Variants in RBM10 observed in about 807,000 individuals in gnomAD.
RBM10 encodes the protein RNA-binding protein 10.
Under a neutral mutation model 84.9 loss-of-function variants are expected in RBM10, and 1 was observed. The observed-to-expected ratio is 0.01, with a 90% CI of 0.00 to 0.06. RBM10 has a LOEUF of 0.06. Among genes scored for constraint, RBM10 ranks in the 10% least tolerant of loss-of-function variants. RBM10 has a pLI of 1.00. For synonymous variants in RBM10, 326 were observed against 344.5 expected, an observed-to-expected ratio of 0.95 and a Z score of 0.60; for missense variants, 438 against 839.0, an observed-to-expected ratio of 0.52 and a Z score of 5.90.
chrX:47,172,284 C>G (rs1934733536), intron 4 of RBM10, among the ~76,000 whole-genome samples: 1 of 112,343 alleles, frequency 8.9e-6, no homozygotes, highest in South Asian at 3.6e-4. Flanking sequence ...TCAGCCTTCC[C>G]TGAGTTTGGA....
chrX:47,173,256 C>G (rs1387274694), intron 5 of RBM10, 59 bp downstream of exon 5: 12 of 1,188,571 alleles, frequency 1.0e-5, no homozygotes, highest in Non-Finnish European at 1.4e-5. Flanking sequence ...TCCGAATCTC[C>G]CTCCTGCCTC....
chrX:47,150,200 G>A (rs1264817726), intron 2 of RBM10, among the ~76,000 whole-genome samples: 2 of 109,006 alleles, frequency 1.8e-5, no homozygotes, highest in Admixed American at 2.0e-4. Context: ...GATGAGTCTC[G>A]CTCTGTCACC....
At position 47,179,179 on chromosome X, in the gene RBM10, C is replaced by T. The variant is rs2147165362; in HGVS notation, c.724+16C>T. On this transcript the variant is annotated intron_variant, in intron 8 of 23. Coordinates refer to ENST00000377604, the MANE Select transcript of RBM10 (RefSeq NM_005676.5). ...CCCAAGTCAGGTGAGGCCCACCTAC[C>T]TCTCGTGCTCTCCAGGGCGGAGCGG... The T allele has an allele frequency of 8.3e-7, 1 of 1,206,949 alleles. No homozygotes were observed. Among genetic ancestry groups the T allele is most frequent in the Non-Finnish European group, 1.1e-6 (1 of 892,990 alleles).
intron 2 of RBM10, among the ~76,000 whole-genome samples, chrX:47,165,801 C>T (rs781936041): frequency 9.0e-6 from 1 of 111,044 alleles, no homozygotes; most frequent in African/African-American, 3.3e-5. Context: ...GTGGGCAGAT[C>T]ACGAGGTCAG....
chrX:47,161,536 TGAGA>T (rs376441587), intron 2 of RBM10, among the ~76,000 whole-genome samples: 133 of 62,167 alleles, frequency 2.1e-3, no homozygotes, highest in Middle Eastern at 9.9e-3. Context: ...TTTTTTTTAG[TGAGA>T]GAGAGAGAGA....
At chrX:47,180,651 T>C in intron 12 of RBM10, 145 bp downstream of exon 12, 1 of 1,032,182 alleles carries the variant, frequency 9.7e-7, no homozygotes, top group Non-Finnish European at 1.3e-6. Flanking sequence ...TCTACCTTGC[T>C]CCTGGCTCTC....
intron 2 of RBM10, 117 bp from the exon 3 acceptor site, chrX:47,169,198 T>C: frequency 4.9e-6 from 3 of 617,530 alleles, no homozygotes; most frequent in Non-Finnish European, 7.5e-6. Flanking sequence ...GCACCTCACT[T>C]CTGTTGTATG....
At chrX:47,176,320 G>A (rs1260006698) in intron 6 of RBM10, among the ~76,000 whole-genome samples, 180 bp from the exon 7 acceptor site, 1 of 112,024 alleles carries the variant, frequency 8.9e-6, no homozygotes, top group Middle Eastern at 4.2e-3. Context: ...AGCTGCGCCC[G>A]AGAGCTGTGG....
chrX:47,173,015 G>C, intron 4 of RBM10, 113 bp from the exon 5 acceptor site: 1 of 1,180,672 alleles, frequency 8.5e-7, no homozygotes, highest in Non-Finnish European at 1.1e-6. Flanking sequence ...AGGCGGAGGA[G>C]ACTGTGTGCA....
At chrX:47,164,596 G>A (rs920837952) in intron 2 of RBM10, among the ~76,000 whole-genome samples, 1 of 111,219 alleles carries the variant, frequency 9.0e-6, no homozygotes, top group Admixed American at 9.6e-5. Context: ...TGGCCAGTAA[G>A]CACATGAAAA....
intron 17 of RBM10, among the ~76,000 whole-genome samples, chrX:47,182,998 C>T (rs1935656045): frequency 8.9e-6 from 1 of 112,421 alleles, no homozygotes; most frequent in African/African-American, 3.2e-5. Flanking sequence ...CCATTTGCTG[C>T]TCCATAACAA....
At chrX:47,153,436 T>C (rs1408895586) in intron 2 of RBM10, among the ~76,000 whole-genome samples, 1 of 111,535 alleles carries the variant, frequency 9.0e-6, no homozygotes, top group Non-Finnish European at 1.9e-5. Flanking sequence ...TTTTTTTTTT[T>C]CCTGAACCTA....
chrX:47,181,123 C>A, intron 12 of RBM10, 92 bp from the exon 13 acceptor site: 2 of 536,436 alleles, frequency 3.7e-6, no homozygotes, highest in Non-Finnish European at 6.1e-6. Context: ...GAAATACTAG[C>A]CCCACGTGTG....
chrX:47,161,536 T>A (rs555383995), intron 2 of RBM10, among the ~76,000 whole-genome samples: 33 of 62,069 alleles, frequency 5.3e-4, no homozygotes, highest in Non-Finnish European at 6.3e-4. Flanking sequence ...TTTTTTTTAG[T>A]GAGAGAGAGA....
intron 7 of RBM10, among the ~76,000 whole-genome samples, chrX:47,178,378 G>C (rs782096374): frequency 9.0e-6 from 1 of 111,275 alleles, no homozygotes; most frequent in East Asian, 2.8e-4. Flanking sequence ...TCTGTGCAGG[G>C]ACTGTCCCTG....
intron 2 of RBM10, among the ~76,000 whole-genome samples, chrX:47,161,422 C>G (rs1395244822): frequency 9.3e-6 from 1 of 107,905 alleles, no homozygotes; most frequent in Non-Finnish European, 1.9e-5. Context: ...GCTGTAGATT[C>G]TATTCTATTT....
intron 21 of RBM10, 72 bp from the exon 22 acceptor site, chrX:47,185,993 A>G: frequency 1.7e-6 from 2 of 1,171,137 alleles, no homozygotes; most frequent in Non-Finnish European, 2.3e-6. Flanking sequence ...GTGGGACCCC[A>G]CTCCCCATGC....
At chrX:47,147,554 T>C (rs1196345842) in intron 2 of RBM10, 56 bp downstream of exon 2, 17 of 1,186,924 alleles carry the variant, frequency 1.4e-5, no homozygotes, top group African/African-American at 5.3e-5. Flanking sequence ...TATGTGAGAA[T>C]TGATCCAAGA....
Position 47,179,122 on chromosome X carries a change from A to G in RBM10, c.683A>G (p.Lys228Arg), listed in dbSNP as rs1224993543. 8.3e-7 allele frequency: 1 copy of G among 1,207,786 alleles called. No individual in the cohort carries two copies. Among genetic ancestry groups the G allele is most frequent in the Non-Finnish European group, 1.1e-6 (1 of 893,905 alleles). Residue 228 changes from lysine (K) to arginine (R), a missense_variant, in exon 8 of 24, where the codon AAA (lysine) becomes AGA (arginine). Physicochemically the swap from Lys to Arg is conservative, Grantham distance 26. Coordinates refer to ENST00000377604, the MANE Select transcript of RBM10 (RefSeq NM_005676.5). Reference sequence around the variant, plus strand: ...TCACAGTGTGGCGTCCAGAACTTCAAACGCCGAGAGAAGTGCTTCAAATGT... The same window carrying G: ...TCACAGTGTGGCGTCCAGAACTTCAGACGCCGAGAGAAGTGCTTCAAATGT... ...LCNKCGVQNF[K>R]RREKCFKCGV...
Sources: allele counts gnomAD v4.1 joint callset (sites outside exome capture counted in the v4.1 genomes callset), GRCh38; gene constraint gnomAD v4.1.1; transcripts MANE v1.5; gene names NCBI Gene and HGNC (gene_info 2026-07-23, HGNC 2026-07-21).